The following MYO10 variants were observed in gnomAD, a reference collection of about 807,000 sequenced individuals.
MYO10 encodes the protein myosin X, also known as unconventional myosin-X.
Under a neutral mutation model 257.3 loss-of-function variants are expected in MYO10, and 133 were observed. The ratio of observed to expected loss-of-function variants is 0.52; its 90% confidence interval spans 0.45 to 0.60. The LOEUF is 0.60. MYO10 is among the 20% of genes least tolerant of loss of function. MYO10 has a pLI of 0.00. For missense variants in MYO10, 2,399 were observed against 2,635.7 expected (o/e 0.91, Z 1.97); for synonymous variants, 1,104 against 1,028.6 (o/e 1.07, Z -1.40).
intron 3 of MYO10, among the ~76,000 whole-genome samples, chr5:16,816,157 A>G (rs764021134): frequency 4.9e-4 from 74 of 151,930 alleles, no homozygotes; most frequent in Non-Finnish European, 7.1e-4. Context: ...CCTGACCAAC[A>G]TGGTGACCTT....
intron 27 of MYO10, 97 bp from the exon 28 acceptor site, chr5:16,690,016 C>CG: frequency 2.3e-6 from 2 of 865,736 alleles, no homozygotes. Context: ...GAGTTGGGAA[C>CG]TGTCTGTTAC....
intron 9 of MYO10, among the ~76,000 whole-genome samples, chr5:16,777,608 G>A (rs778073138): frequency 3.5e-4 from 54 of 152,230 alleles, no homozygotes; most frequent in Non-Finnish European, 7.5e-4. Context: ...TCCAGAGTTA[G>A]ACTGTGTATG....
intron 25 of MYO10, 69 bp from the exon 26 acceptor site, chr5:16,699,642 T>C (rs760882627): frequency 3.6e-5 from 57 of 1,595,190 alleles, no homozygotes; most frequent in Non-Finnish European, 4.5e-5. Flanking sequence ...ATACCCAGCA[T>C]GTATCATCAT....
intron 19 of MYO10, chr5:16,713,522 G>C: frequency 1.1e-5 from 11 of 983,740 alleles, no homozygotes; most frequent in Non-Finnish European, 1.3e-5. Flanking sequence ...TAATTAGTGT[G>C]GTGTGGTTGT....
chr5:16,839,655 C>A (rs993136969), intron 2 of MYO10, among the ~76,000 whole-genome samples: 3 of 152,116 alleles, frequency 2.0e-5, no homozygotes, highest in African/African-American at 7.2e-5. Flanking sequence ...AGGGGAAGAT[C>A]ACCTGAGGCC....
intron 19 of MYO10, among the ~76,000 whole-genome samples, chr5:16,714,566 C>T (rs1252152381): frequency 6.6e-6 from 1 of 152,168 alleles, no homozygotes; most frequent in Admixed American, 6.6e-5. Flanking sequence ...TCTGATACCA[C>T]GCACGTCATA....
At chr5:16,878,305 GA>G (rs1450875923) in intron 1 of MYO10, among the ~76,000 whole-genome samples, 2 of 152,124 alleles carry the variant, frequency 1.3e-5, no homozygotes, top group Non-Finnish European at 2.9e-5. Context: ...TCCAAAAGAG[GA>G]ACTGAAGTTT....
chr5:16,886,068 T>A (rs1744889307), intron 1 of MYO10, among the ~76,000 whole-genome samples: 1 of 152,184 alleles, frequency 6.6e-6, no homozygotes, highest in Non-Finnish European at 1.5e-5. Flanking sequence ...AAGCTGGCAA[T>A]CATTTCTGAA....
At chr5:16,838,870 G>C (rs1349184478) in intron 2 of MYO10, among the ~76,000 whole-genome samples, 1 of 152,158 alleles carries the variant, frequency 6.6e-6, no homozygotes, top group South Asian at 2.1e-4. Flanking sequence ...TCTATAAACG[G>C]AATAACAGAA....
chr5:16,674,816 C>T (rs770696405), intron 35 of MYO10, 37 bp downstream of exon 35: 3 of 1,610,400 alleles, frequency 1.9e-6, no homozygotes, highest in Admixed American at 1.7e-5. Flanking sequence ...GTGTAAGCAG[C>T]TCTGCCCAGC....
intron 2 of MYO10, among the ~76,000 whole-genome samples, chr5:16,822,946 C>G (rs1236731309): frequency 6.6e-6 from 1 of 151,922 alleles, no homozygotes; most frequent in East Asian, 2.0e-4. Flanking sequence ...CTCGGCCTCC[C>G]AAAGTGCTGG....
intron 23 of MYO10, 109 bp from the exon 24 acceptor site, chr5:16,702,697 G>A (rs1287004478): frequency 1.8e-6 from 2 of 1,107,088 alleles, no homozygotes; most frequent in African/African-American, 1.6e-5. Context: ...AAGCATGAAA[G>A]ACAGAGCCCC....
At chr5:16,781,622 C>A (rs944849088) in intron 6 of MYO10, 83 bp downstream of exon 6, 15 of 1,364,194 alleles carry the variant, frequency 1.1e-5, no homozygotes, top group African/African-American at 5.9e-5. Context: ...GTTTCACATT[C>A]TTTTTCAATC....
At chr5:16,710,501 C>T (rs1323509821) in intron 21 of MYO10, among the ~76,000 whole-genome samples, 1 of 152,162 alleles carries the variant, frequency 6.6e-6, no homozygotes, top group Non-Finnish European at 1.5e-5. Context: ...CGCTCAGTCG[C>T]TGCTCTGGTT....
intron 24 of MYO10, 78 bp downstream of exon 24, chr5:16,702,465 T>C: frequency 7.6e-7 from 1 of 1,312,420 alleles, no homozygotes; most frequent in Non-Finnish European, 1.1e-6. Flanking sequence ...TAATTCAGTT[T>C]TGAATCCTAG....
intron 26 of MYO10, 149 bp from the exon 27 acceptor site, chr5:16,694,763 A>C: frequency 9.8e-7 from 1 of 1,022,554 alleles, no homozygotes; most frequent in Non-Finnish European, 1.4e-6. Context: ...GAGGAGTGGC[A>C]CTGCTAGCTC....
rs149833102 is a variant in MYO10, at chr5:16,734,902, G to A, written c.1929+19926C>T. Among the ~76,000 whole-genome samples, 150 of 152,022 alleles carry A rather than the reference G, an allele frequency of 9.9e-4. No homozygotes were observed. The Middle Eastern group carries it at 0.014, about 14-fold the overall frequency. Reference sequence around the variant, plus strand: ...ACGGCCATCAGTGGTGTCTCCGTCCGTGCCAGAGTCTGAGCCAGGAGTTTT... The same window carrying A: ...ACGGCCATCAGTGGTGTCTCCGTCCATGCCAGAGTCTGAGCCAGGAGTTTT... On this transcript the variant is annotated intron_variant, in intron 19 of 40. Transcript: ENST00000513610.
At chr5:16,887,822 C>T (rs1017769299) in intron 1 of MYO10, among the ~76,000 whole-genome samples, 6 of 152,206 alleles carry the variant, frequency 3.9e-5, no homozygotes, top group Admixed American at 2.6e-4. Flanking sequence ...TGATTTCCCC[C>T]ACCTTCCTCA....
rs750034155 is a variant in MYO10, at chr5:16,781,783, T to A, written c.649A>T (p.Asn217Tyr). ...FGNAKTVYNN[N>Y]SSRFGKFVQL... Reference sequence around the variant, plus strand: ...ACAAACTTCCCAAAGCGACTAGAGTTGTTGTTGTACACGGTCTTCGCATTG... The same window carrying A: ...ACAAACTTCCCAAAGCGACTAGAGTAGTTGTTGTACACGGTCTTCGCATTG... Residue 217 changes from asparagine (N) to tyrosine (Y), a missense_variant, in exon 6 of 41, where the codon AAC (asparagine) becomes TAC (tyrosine). By Grantham distance (143) the Asn-to-Tyr change is moderately radical (BLOSUM62 -2). Coordinates refer to ENST00000513610, the MANE Select transcript of MYO10 (RefSeq NM_012334.3). 2 of 1,613,902 alleles carry A rather than the reference T, an allele frequency of 1.2e-6. No homozygotes were observed. Among genetic ancestry groups the A allele is most frequent in the South Asian group, 1.1e-5 (1 of 91,084 alleles).
Sources: allele counts gnomAD v4.1 joint callset (sites outside exome capture counted in the v4.1 genomes callset), GRCh38; gene constraint gnomAD v4.1.1; transcripts MANE v1.5; gene names NCBI Gene and HGNC (gene_info 2026-07-23, HGNC 2026-07-21).